CTPS1: variants seen among roughly 807,000 people sequenced by gnomAD.
The protein encoded by CTPS1 is CTP synthetase 1.
CTPS1 carries 25 observed loss-of-function variants against 80.5 expected under a neutral mutation model. That is an observed-to-expected ratio of 0.31 (90% CI 0.23 to 0.43). The LOEUF (loss-of-function observed/expected upper bound fraction) is 0.43, where lower values mean the gene tolerates loss of function less well. Among genes scored for constraint, CTPS1 ranks in the 20% least tolerant of loss-of-function variants. The pLI, the probability that CTPS1 is intolerant of heterozygous loss-of-function variation, is 1.00. For synonymous variants in CTPS1, 267 were observed against 252.5 expected (o/e 1.06, Z -0.54); for missense variants, 442 against 725.7 (o/e 0.61, Z 4.49).
rs1247649382 is a variant in CTPS1, at chr1:40,988,592, A to G, written c.439-2A>G. The stretch of plus-strand genomic sequence containing the variant: ...ACCTCTGAAACAACTTTGTTCTTCT[A>G]GCTTGGTGGAACCGTGGGGGACATA... On this transcript the variant is annotated splice_acceptor_variant, in intron 4 of 18. Coordinates refer to ENST00000650070, the MANE Select transcript of CTPS1 (RefSeq NM_001905.4). LOFTEE classifies it high-confidence loss of function. The G allele has an allele frequency of 6.2e-7, 1 of 1,610,304 alleles. No individual in the cohort carries two copies.
At chr1:40,988,381 C>A in intron 4 of CTPS1, 1 of 426,372 alleles carries the variant, frequency 2.3e-6, no homozygotes, top group Non-Finnish European at 4.2e-6. Flanking sequence ...TCCATAATAA[C>A]CTTTGGGAAG....
intron 3 of CTPS1, among the ~76,000 whole-genome samples, chr1:40,986,692 T>C (rs1642461747): frequency 6.6e-6 from 1 of 152,186 alleles, no homozygotes; most frequent in Non-Finnish European, 1.5e-5. Flanking sequence ...ACAACTATGA[T>C]TTTTGAAGTG....
rs1245874299 is a variant in CTPS1 at position 41,007,398 on chromosome 1, C to T, written c.1297-51C>T. ...CCCACTCAGCGAGGGAGGTTTCTCT[C>T]TAGCGGAAGCAGAGTTCTGTAGTTG... On this transcript the variant is annotated intron_variant, in intron 13 of 18. Transcript: ENST00000650070. The surrounding 1 kb of genome is among the most constrained non-coding windows in gnomAD (Gnocchi z 4.4). The T allele has an allele frequency of 1.3e-6, 2 of 1,534,064 alleles. No homozygotes were observed. Among genetic ancestry groups the T allele is most frequent in the East Asian group, 2.2e-5 (1 of 44,468 alleles).
chr1:41,001,414 A>G (rs1642901120), intron 10 of CTPS1: 1 of 287,562 alleles, frequency 3.5e-6, no homozygotes, highest in Admixed American at 5.7e-5. Flanking sequence ...GAGTCTCATC[A>G]GTTGTTTTGG....
intron 1 of CTPS1, chr1:40,980,186 G>C (rs1369363964): frequency 8.7e-6 from 1 of 114,692 alleles, no homozygotes. Flanking sequence ...GGCCGTAGGG[G>C]AGTGGAGCGG....
intron 6 of CTPS1, 141 bp downstream of exon 6, chr1:40,991,389 G>A (rs967659461): frequency 6.1e-6 from 4 of 659,612 alleles, no homozygotes; most frequent in African/African-American, 5.6e-5. Flanking sequence ...TCTTTGAACC[G>A]GGCTGTAGTT....
At chr1:41,008,535 G>C in intron 14 of CTPS1, 124 bp from the exon 15 acceptor site, 1 of 980,888 alleles carries the variant, frequency 1.0e-6, no homozygotes, top group South Asian at 1.4e-5. Flanking sequence ...CAGATTCATA[G>C]AAATAGCCCT....
rs780045164 is a variant in CTPS1, at chr1:40,988,751, G to A, written c.555+41G>A. On this transcript the variant is annotated intron_variant, in intron 5 of 18. Transcript: ENST00000650070. ...AAAGTTTTACTTTGGGGGAGATGGAGAGGAGGGAGGAAAGGTAAACCGGAA... is the reference window on the plus strand; with the variant it reads ...AAAGTTTTACTTTGGGGGAGATGGAAAGGAGGGAGGAAAGGTAAACCGGAA... 5 of 1,338,594 alleles carry A rather than the reference G, an allele frequency of 3.7e-6. No individual in the cohort carries two copies. In the Admixed American group the frequency reaches 8.5e-5, roughly 23 times the overall value. The allele number at this position is 1,338,594 out of a possible 1,614,324, so 82.9% of individuals were successfully genotyped here.
chr1:41,011,297 C>T (rs1054740529), intron 18 of CTPS1, among the ~76,000 whole-genome samples: 1 of 152,200 alleles, frequency 6.6e-6, no homozygotes, highest in Non-Finnish European at 1.5e-5. Context: ...GGCTGTTTCA[C>T]AGTCTTAAGG....
chr1:40,982,378 T>G (rs182555426), intron 1 of CTPS1, among the ~76,000 whole-genome samples: 2 of 150,884 alleles, frequency 1.3e-5, no homozygotes, highest in East Asian at 3.9e-4. Context: ...TGTTGTTAAA[T>G]TATAGAAGAG....
intron 4 of CTPS1, 130 bp from the exon 5 acceptor site, chr1:40,988,461 CATT>C (rs2148393789): frequency 2.1e-5 from 14 of 655,222 alleles, no homozygotes; most frequent in South Asian, 1.7e-4. Flanking sequence ...TGTTAACTAA[CATT>C]ATACAGGGTT....
At chr1:41,002,055 G>A in intron 10 of CTPS1, 105 bp from the exon 11 acceptor site, 5 of 942,432 alleles carry the variant, frequency 5.3e-6, no homozygotes, top group Non-Finnish European at 8.8e-6. Context: ...AATGTATGGG[G>A]TTAATTCATG....
chr1:40,995,198 T>C (rs569245142), intron 7 of CTPS1, among the ~76,000 whole-genome samples: 2 of 152,224 alleles, frequency 1.3e-5, no homozygotes, highest in African/African-American at 2.4e-5. Flanking sequence ...AAAGCTACAT[T>C]TGTGATTTGG....
chr1:41,012,132 A>G lies in CTPS1; in HGVS notation c.*484A>G, dbSNP rs1004782101. ...CCACTAAGCCATGAAACCAGAGACA[A>G]AATCTCTATACTGCCCTGAGTTGGG... On this transcript the variant is annotated 3_prime_UTR_variant, in exon 19 of 19. Transcript: ENST00000650070. 2 of 152,174 alleles carry G rather than the reference A, an allele frequency of 1.3e-5. No homozygotes were observed. The highest frequency in any genetic ancestry group is 2.9e-5 in the Non-Finnish European group (2 of 68,026). The allele number at this position is 152,174 out of a possible 1,614,324, so 9.4% of individuals were successfully genotyped here.
rs1035175556 is a variant in CTPS1, at chr1:40,995,964, G to A, written c.768G>A (p.Leu256=). 4 of 1,614,180 alleles carry A rather than the reference G, an allele frequency of 2.5e-6. No homozygotes were observed. The highest frequency in any genetic ancestry group is 1.1e-5 in the South Asian group (1 of 91,090). ...DVSSIYRVPL[L]LEEQGVVDYF... The stretch of plus-strand genomic sequence containing the variant: ...CATCCATCTACCGAGTCCCCTTGTT[G>A]TTAGAGGAGCAAGGGGTTGTAGATT... Residue 256 remains leucine, a synonymous_variant, in exon 8 of 19, where the codon TTG becomes TTA. Coordinates refer to ENST00000650070, the MANE Select transcript of CTPS1 (RefSeq NM_001905.4).
At chr1:41,002,135 CTTT>C in intron 10 of CTPS1, 22 bp from the exon 11 acceptor site, 1 of 1,609,386 alleles carries the variant, frequency 6.2e-7, no homozygotes, top group Non-Finnish European at 8.5e-7. Flanking sequence ...GGGGAATTGC[CTTT>C]GTGGTTTGTT....
Position 40,997,428 on chromosome 1 carries a change from C to T in CTPS1, c.907C>T (p.Leu303Phe). ...DRLLETCSIA[L>F]VGKYTKFSDS... ...CTTGCTGGAGACCTGCTCTATTGCC[C>T]TTGTGGGCAAATACACGAAGTTCTC... is the stretch of plus-strand genomic sequence containing the variant. Residue 303 changes from leucine (L) to phenylalanine (F), a missense_variant, in exon 9 of 19, where the codon CTT becomes TTT. Physicochemically the swap from Leu to Phe is conservative, Grantham distance 22. Around this residue, in one of 4 missense-constraint regions of CTPS1, gnomAD observed 321 missense variants for 467.2 expected, o/e 0.69. Coordinates refer to ENST00000650070, the MANE Select transcript of CTPS1 (RefSeq NM_001905.4). 2.5e-6 allele frequency: 4 copies of T among 1,614,106 alleles called. No homozygotes were observed. The highest frequency in any genetic ancestry group is 3.4e-6 in the Non-Finnish European group (4 of 1,179,996).
In CTPS1 at chr1:40,987,383, A is replaced by G. The variant is rs1427323373; in HGVS notation, c.349A>G (p.Ile117Val). The change falls in exon 4 of 19, where the codon ATC (isoleucine) becomes GTC (valine). Residue 117 changes from isoleucine (I) to valine (V), a missense_variant. This residue lies in a region of CTPS1 where 69 missense variants were observed against 102.1 expected (regional missense o/e 0.68). Transcript: ENST00000650070. ...TTTCTTTTTCCCAGTTGTCCCTCATATCACAGATGCAATCCAGGAGTGGGT... is the reference window on the plus strand; with the variant it reads ...TTTCTTTTTCCCAGTTGTCCCTCATGTCACAGATGCAATCCAGGAGTGGGT... ...LGKTVQVVPH[I>V]TDAIQEWVMR... 3.7e-6 allele frequency: 6 copies of G among 1,613,548 alleles called. No individual in the cohort carries two copies. In the South Asian group the frequency reaches 6.6e-5, roughly 18 times the overall value.
chr1:40,985,483 T>C (rs1642428272), intron 3 of CTPS1, among the ~76,000 whole-genome samples: 1 of 152,238 alleles, frequency 6.6e-6, no homozygotes, highest in Admixed American at 6.5e-5. Context: ...TCCCAAGCTT[T>C]CACTGGCACA....
Sources: gnomAD v4.1 joint callset for allele counts (sites outside exome capture counted in the v4.1 genomes callset) on GRCh38, gnomAD v4.1.1 for gene constraint, gnomAD v4.1.1 regional missense constraint, Gnocchi (gnomAD v3.1) non-coding constraint, MANE v1.5 for transcripts, NCBI Gene and HGNC (gene_info 2026-07-23, HGNC 2026-07-21) for gene names.